The following GOSR1 variants were observed in gnomAD, a reference collection of about 807,000 sequenced individuals.
GOSR1 encodes the protein 28 kDa Golgi SNARE protein.
In GOSR1, 21 loss-of-function variants were observed where a neutral mutation model predicts 35.5. That is an observed-to-expected ratio of 0.59 (90% CI 0.42 to 0.85). The LOEUF is 0.85. Among genes scored for constraint, GOSR1 ranks in the 40% least tolerant of loss-of-function variants. The pLI is 0.00. For missense variants in GOSR1, 285 were observed against 309.6 expected (o/e 0.92, Z 0.60); for synonymous variants, 94 against 106.6 (o/e 0.88, Z 0.73).
chr17:30,488,535 T>A (rs1037328987), intron 4 of GOSR1, among the ~76,000 whole-genome samples: 8 of 139,932 alleles, frequency 5.7e-5, no homozygotes, highest in Admixed American at 2.8e-4. Context: ...TTGGCAGTAT[T>A]TTTTTTTTTT....
chr17:30,479,100 T>C (rs1914157052), intron 1 of GOSR1: 1 of 152,262 alleles, frequency 6.6e-6, no homozygotes, highest in African/African-American at 2.4e-5. Context: ...ATAGAGTCAG[T>C]AAGTGGCTGT....
chr17:30,503,813 C>CA (rs2143799063), intron 6 of GOSR1, among the ~76,000 whole-genome samples: 1 of 152,306 alleles, frequency 6.6e-6, no homozygotes, highest in South Asian at 2.1e-4. Context: ...AAGCTAGTGT[C>CA]AGCATCGTCT....
In GOSR1 at chr17:30,522,595, A is replaced by AG. The variant is rs1244242002; in HGVS notation, c.*217_*218insG. The AG allele has an allele frequency of 9.8e-6, 2 of 204,358 alleles. No individual in the cohort carries two copies. The highest frequency in any genetic ancestry group is 4.8e-5 in the African/African-American group (2 of 41,702). The allele number at this position is 204,358 out of a possible 1,614,324, so 12.7% of individuals were successfully genotyped here. A position where few individuals can be genotyped will look rare whatever the true frequency, so the allele number is the denominator to read the frequency against. On this transcript the variant is annotated 3_prime_UTR_variant, in exon 9 of 9. Coordinates refer to ENST00000451249, the MANE Select transcript of GOSR1 (RefSeq NM_001007025.2). ...TAACACATTTTTCTGTTTTTAATTA[A>AG]AAAAAAAAAAAAAAGGTTTTCAGTT...
chr17:30,492,885 A>G, intron 6 of GOSR1, 132 bp downstream of exon 6: 1 of 589,786 alleles, frequency 1.7e-6, no homozygotes, highest in Non-Finnish European at 3.0e-6. Flanking sequence ...TCTCCTAATG[A>G]CTCTTTTCAA....
chr17:30,477,529 T>C (rs1384289741), intron 1 of GOSR1, 65 bp downstream of exon 1: 3 of 1,555,296 alleles, frequency 1.9e-6, no homozygotes, highest in Non-Finnish European at 2.6e-6. Flanking sequence ...AGGACAGATC[T>C]TGGGAGAAGC....
In GOSR1 at chr17:30,498,789, G is replaced by T. The variant is rs1049012943; in HGVS notation, c.509+6036G>T. ...CACTGGGCAAAAGAAAGTGAGCAGT[G>T]GGGGGGCTCTGAGTGTCACCGGGGT... On this transcript the variant is annotated intron_variant, in intron 6 of 8. Transcript: ENST00000451249. 3.9e-5 allele frequency among the ~76,000 whole-genome samples: 6 copies of T among 152,246 alleles called. 1 individual carries two copies. In the South Asian group the frequency reaches 1.0e-3, roughly 26 times the overall value.
intron 7 of GOSR1, among the ~76,000 whole-genome samples, chr17:30,517,442 A>C (rs1441705053): frequency 1.3e-5 from 2 of 152,226 alleles, no homozygotes; most frequent in Admixed American, 6.5e-5. Context: ...GATATTCTGC[A>C]CATTCCGTAG....
intron 6 of GOSR1, among the ~76,000 whole-genome samples, chr17:30,504,120 G>A (rs755904409): frequency 1.3e-5 from 2 of 150,890 alleles, no homozygotes; most frequent in East Asian, 2.0e-4. Context: ...TCCGCCTCCC[G>A]GGTTCAAGGA....
At chr17:30,482,793 TG>T (rs916420890) in intron 2 of GOSR1, 3 of 152,278 alleles carry the variant, frequency 2.0e-5, no homozygotes, top group African/African-American at 7.2e-5. Context: ...TGCATTGCTT[TG>T]GGCTTGGCTT....
intron 6 of GOSR1, among the ~76,000 whole-genome samples, chr17:30,500,704 C>G (rs903214994): frequency 1.3e-5 from 2 of 152,028 alleles, no homozygotes; most frequent in African/African-American, 4.8e-5. Context: ...TATTTTGACT[C>G]CTCTGGGTCC....
intron 6 of GOSR1, among the ~76,000 whole-genome samples, chr17:30,503,340 G>A (rs1967284002): frequency 6.6e-6 from 1 of 152,148 alleles, no homozygotes; most frequent in Non-Finnish European, 1.5e-5. Flanking sequence ...CACGATAACT[G>A]GTGATGAAAT....
Position 30,522,379 on chromosome 17 carries a change from T to G in GOSR1, c.*1T>G. On this transcript the variant is annotated 3_prime_UTR_variant, in exon 9 of 9. Transcript: ENST00000451249. ...GTTGCTGCTGTATGCGTTCCATTGATGGGACATCTTCAGGGACTCTTGACA... is the reference window on the plus strand; with the variant it reads ...GTTGCTGCTGTATGCGTTCCATTGAGGGGACATCTTCAGGGACTCTTGACA... 1 of 1,568,942 alleles carries G rather than the reference T, an allele frequency of 6.4e-7. No individual in the cohort carries two copies. The highest frequency in any genetic ancestry group is 8.6e-7 in the Non-Finnish European group (1 of 1,156,664).
At chr17:30,514,559 C>G (rs1293876482) in intron 7 of GOSR1, among the ~76,000 whole-genome samples, 1 of 152,188 alleles carries the variant, frequency 6.6e-6, no homozygotes, top group Non-Finnish European at 1.5e-5. Flanking sequence ...AAAGTCCAGG[C>G]TGGCATGCTT....
chr17:30,511,151 CAATT>C (rs1468918308), intron 7 of GOSR1, among the ~76,000 whole-genome samples: 1 of 152,118 alleles, frequency 6.6e-6, no homozygotes, highest in African/African-American at 2.4e-5. Context: ...TTAATTTTTC[CAATT>C]AATTTATACT....
chr17:30,495,344 A>T, intron 6 of GOSR1: 1 of 438,168 alleles, frequency 2.3e-6, no homozygotes, highest in South Asian at 1.6e-5. Flanking sequence ...CAGGCATATG[A>T]TGCTTTTTCT....
intron 7 of GOSR1, among the ~76,000 whole-genome samples, chr17:30,519,418 GT>G (rs776592349): frequency 1.3e-5 from 2 of 152,110 alleles, no homozygotes; most frequent in Non-Finnish European, 2.9e-5. Flanking sequence ...CCAGCATAAT[GT>G]TGCATGCATG....
At chr17:30,512,125 A>G (rs1023271375) in intron 7 of GOSR1, among the ~76,000 whole-genome samples, 72 of 152,288 alleles carry the variant, frequency 4.7e-4, no homozygotes, top group African/African-American at 1.6e-3. Flanking sequence ...TTGGTTTGGA[A>G]CCTGCCTGTG....
At chr17:30,519,349 A>G (rs561947346) in intron 7 of GOSR1, among the ~76,000 whole-genome samples, 3 of 152,176 alleles carry the variant, frequency 2.0e-5, no homozygotes, top group Non-Finnish European at 4.4e-5. Context: ...GAGCCACCAC[A>G]CCCAGCTGTT....
chr17:30,514,196 G>T (rs2143876389), intron 7 of GOSR1, among the ~76,000 whole-genome samples: 1 of 152,316 alleles, frequency 6.6e-6, no homozygotes, highest in Middle Eastern at 3.4e-3. Flanking sequence ...CAAAAATTCA[G>T]TGTATTGTGT....
Sources: allele counts gnomAD v4.1 joint callset (sites outside exome capture counted in the v4.1 genomes callset), GRCh38; gene constraint gnomAD v4.1.1; transcripts MANE v1.5; gene names NCBI Gene and HGNC (gene_info 2026-07-23, HGNC 2026-07-21).